CNTN5: variants seen among roughly 807,000 people sequenced by gnomAD.
CNTN5 encodes contactin 5, also known as contactin-5.
In CNTN5, 77 loss-of-function variants were observed where a neutral mutation model predicts 129.1. That is an observed-to-expected ratio of 0.60 (90% CI 0.50 to 0.72). CNTN5 has a LOEUF of 0.72. Among genes scored for constraint, CNTN5 ranks in the 30% least tolerant of loss-of-function variants. CNTN5 has a pLI of 0.00. For missense variants in CNTN5, 1,478 were observed against 1,328.8 expected (o/e 1.11, Z -1.75); for synonymous variants, 509 against 465.6 (o/e 1.09, Z -1.20).
intron 9 of CNTN5, among the ~76,000 whole-genome samples, chr11:100,048,628 T>C (rs1482316502): frequency 6.6e-6 from 1 of 151,892 alleles, no homozygotes; most frequent in East Asian, 1.9e-4. Flanking sequence ...AAAAGATCAA[T>C]GAATTTGAAC....
chr11:99,524,793 ATT>A lies in CNTN5; in HGVS notation c.-70-31351_-70-31350del, dbSNP rs199544360. ...ACTCCAGCCTGGGCGACAGAGCAAGATTCCATCTCAAAAAAAAACAAAAAAAA... is the reference window on the plus strand; with the variant it reads ...ACTCCAGCCTGGGCGACAGAGCAAGACCATCTCAAAAAAAAACAAAAAAAA... On this transcript the variant is annotated intron_variant, in intron 2 of 24. Transcript: ENST00000524871. Among the ~76,000 whole-genome samples, 791 of 152,002 alleles carry A rather than the reference ATT, an allele frequency of 5.2e-3. 9 individuals are homozygous for A. The highest frequency in any genetic ancestry group is 0.018 in the African/African-American group (762 of 41,442).
intron 6 of CNTN5, among the ~76,000 whole-genome samples, chr11:99,854,108 G>A (rs916865646): frequency 3.3e-5 from 5 of 152,110 alleles, no homozygotes; most frequent in Non-Finnish European, 5.9e-5. Context: ...CATATTAATA[G>A]TGCTTGAGGC....
At position 100,313,550 on chromosome 11, in the gene CNTN5, G is replaced by T. The variant is rs533624366; in HGVS notation, c.2730+5082G>T. The stretch of plus-strand genomic sequence containing the variant: ...ATTGAATTTTTGATGCCTATTAGAG[G>T]CATCTAAGAGGGTAAGTCAGATAGG... On this transcript the variant is annotated intron_variant, in intron 21 of 24. Coordinates refer to ENST00000524871, the MANE Select transcript of CNTN5 (RefSeq NM_014361.4). Among the ~76,000 whole-genome samples the T allele has an allele frequency of 2.0e-5, 3 of 152,166 alleles. No individual in the cohort carries two copies. The East Asian group carries it at 5.8e-4, about 29-fold the overall frequency.
chr11:99,298,444 A>T (rs1037019566), intron 1 of CNTN5, among the ~76,000 whole-genome samples: 1 of 152,148 alleles, frequency 6.6e-6, no homozygotes, highest in Non-Finnish European at 1.5e-5. Flanking sequence ...GGCCACTGGG[A>T]TTGGTCGACA....
chr11:99,053,389 A>C (rs1864503224), intron 1 of CNTN5, among the ~76,000 whole-genome samples: 1 of 151,964 alleles, frequency 6.6e-6, no homozygotes, highest in Non-Finnish European at 1.5e-5. Context: ...CTGGGGTCTT[A>C]TGCAACTTTG....
At chr11:100,072,363 T>C (rs940508013) in intron 12 of CNTN5, among the ~76,000 whole-genome samples, 40 of 152,276 alleles carry the variant, frequency 2.6e-4, no homozygotes, top group Admixed American at 1.2e-3. Context: ...TACAATCTCA[T>C]AGGGTTACAC....
chr11:100,003,115 G>A lies in CNTN5; in HGVS notation c.980+979G>A, dbSNP rs138580940. ...TTAAGGAACGAACATAGTAAACACC[G>A]TGTTTTAATATCAAGAATGATTAAA... On this transcript the variant is annotated intron_variant, in intron 9 of 24. Coordinates refer to ENST00000524871, the MANE Select transcript of CNTN5 (RefSeq NM_014361.4). Among the ~76,000 whole-genome samples the A allele has an allele frequency of 1.1e-3, 166 of 152,160 alleles. 2 individuals carry two copies. Among genetic ancestry groups the A allele is most frequent in the African/African-American group, 3.4e-3 (143 of 41,538 alleles).
intron 13 of CNTN5, among the ~76,000 whole-genome samples, chr11:100,122,573 C>G (rs1946060698): frequency 6.6e-6 from 1 of 151,996 alleles, no homozygotes; most frequent in Non-Finnish European, 1.5e-5. Flanking sequence ...CAGATTTGAG[C>G]ATAGATCTGA....
intron 3 of CNTN5, among the ~76,000 whole-genome samples, chr11:99,740,644 C>A (rs2135155624): frequency 6.6e-6 from 1 of 152,234 alleles, no homozygotes; most frequent in East Asian, 1.9e-4. Context: ...GGATTGCAGG[C>A]CCTAGCCACA....
intron 2 of CNTN5, among the ~76,000 whole-genome samples, chr11:99,467,391 C>T (rs1032064449): frequency 6.6e-6 from 1 of 152,040 alleles, no homozygotes; most frequent in Non-Finnish European, 1.5e-5. Context: ...GATTAGAATC[C>T]AATTTAACTT....
intron 13 of CNTN5, among the ~76,000 whole-genome samples, chr11:100,135,176 GTTTT>G: frequency 7.9e-6 from 1 of 127,076 alleles, no homozygotes; most frequent in African/African-American, 2.9e-5. Flanking sequence ...ATATAAAAGT[GTTTT>G]TTTTTTTTTT....
chr11:99,566,892 C>T (rs2135565335), intron 3 of CNTN5, among the ~76,000 whole-genome samples: 1 of 152,226 alleles, frequency 6.6e-6, no homozygotes, highest in East Asian at 1.9e-4. Flanking sequence ...CTCCTCAGTA[C>T]TAGCATATAT....
chr11:99,484,258 C>T (rs1361474893), intron 2 of CNTN5, among the ~76,000 whole-genome samples: 3 of 151,544 alleles, frequency 2.0e-5, no homozygotes, highest in East Asian at 3.9e-4. Context: ...TACAAATGGC[C>T]AACAAATATA....
intron 16 of CNTN5, among the ~76,000 whole-genome samples, chr11:100,241,615 G>T (rs1046743822): frequency 1.3e-5 from 2 of 152,186 alleles, no homozygotes; most frequent in African/African-American, 4.8e-5. Context: ...AGGCATCAGA[G>T]TTCAAGTCTT....
chr11:100,336,249 A>G (rs189862652), intron 21 of CNTN5, among the ~76,000 whole-genome samples: 1 of 152,320 alleles, frequency 6.6e-6, no homozygotes, highest in African/African-American at 2.4e-5. Context: ...AAAACAGGGT[A>G]TATGAAGATT....
intron 10 of CNTN5, among the ~76,000 whole-genome samples, chr11:100,063,675 T>A (rs1006717485): frequency 1.4e-5 from 2 of 143,462 alleles, no homozygotes; most frequent in African/African-American, 5.2e-5. Context: ...ATTCCAACAC[T>A]TTGGGAGGCC....
intron 6 of CNTN5, among the ~76,000 whole-genome samples, chr11:99,885,241 T>G (rs1205693772): frequency 6.6e-6 from 1 of 151,756 alleles, no homozygotes; most frequent in Non-Finnish European, 1.5e-5. Context: ...GTGATCATGC[T>G]GCTGCACTCC....
At chr11:99,645,908 C>A (rs1344554435) in intron 3 of CNTN5, among the ~76,000 whole-genome samples, 1 of 152,120 alleles carries the variant, frequency 6.6e-6, no homozygotes, top group Non-Finnish European at 1.5e-5. Flanking sequence ...AACAAACCTG[C>A]AAGTTTTGCA....
intron 8 of CNTN5, among the ~76,000 whole-genome samples, chr11:99,971,369 C>T (rs1951246006): frequency 6.6e-6 from 1 of 151,842 alleles, no homozygotes; most frequent in South Asian, 2.1e-4. Context: ...ACGGTGAAAC[C>T]CCATCTCTAC....
Sources: gnomAD v4.1 joint callset for allele counts (sites outside exome capture counted in the v4.1 genomes callset) on GRCh38, gnomAD v4.1.1 for gene constraint, MANE v1.5 for transcripts, NCBI Gene and HGNC (gene_info 2026-07-23, HGNC 2026-07-21) for gene names.